ITPRID1: variants seen among roughly 807,000 people sequenced by gnomAD.
ITPRID1 encodes protein ITPRID1.
In ITPRID1, 96 loss-of-function variants were observed where a neutral mutation model predicts 95.4. The observed-to-expected ratio is 1.01, with a 90% CI of 0.85 to 1.19. The LOEUF (loss-of-function observed/expected upper bound fraction) is 1.19, where lower values mean the gene tolerates loss of function less well. ITPRID1 is among the 50% of genes most tolerant of loss of function. The pLI, the probability that ITPRID1 is intolerant of heterozygous loss-of-function variation, is 0.00. For synonymous variants in ITPRID1, 510 were observed against 453.6 expected (o/e 1.12, Z -1.58); for missense variants, 1,339 against 1,252.9 (o/e 1.07, Z -1.04).
intron 5 of ITPRID1, among the ~76,000 whole-genome samples, chr7:31,566,127 G>T (rs1172942354): frequency 1.3e-5 from 2 of 152,198 alleles, no homozygotes; most frequent in African/African-American, 2.4e-5. Context: ...GTGGGCACTA[G>T]AATCCCTTCA....
intron 10 of ITPRID1, among the ~76,000 whole-genome samples, chr7:31,599,641 CTTTCTTT>C (rs1311762969): frequency 1.8e-5 from 1 of 54,696 alleles, no homozygotes; most frequent in Admixed American, 1.8e-4. Context: ...TTCTTTCTTT[CTTTCTTT>C]TTCTTTCTTT....
At chr7:31,584,987 C>T (rs973429086) in intron 10 of ITPRID1, among the ~76,000 whole-genome samples, 2 of 152,234 alleles carry the variant, frequency 1.3e-5, no homozygotes, top group Non-Finnish European at 2.9e-5. Flanking sequence ...GGGAACCCAG[C>T]CCCTATGTTG....
Position 31,612,238 on chromosome 7 carries a change from A to G in ITPRID1, c.1228+29047A>G, listed in dbSNP as rs767850248. On this transcript the variant is annotated intron_variant, in intron 10 of 14. Coordinates refer to ENST00000615280, the MANE Select transcript of ITPRID1 (RefSeq NM_001257967.3). Reference sequence around the variant, plus strand: ...TCTTTATGATACTCTGTATTTGATGAGACATTCTTTCTCATACACTCCTTC... The same window carrying G: ...TCTTTATGATACTCTGTATTTGATGGGACATTCTTTCTCATACACTCCTTC... Among the ~76,000 whole-genome samples the G allele has an allele frequency of 2.8e-4, 42 of 152,200 alleles. 1 individual carries two copies. The highest frequency in any genetic ancestry group is 3.4e-3 in the Middle Eastern group (1 of 294).
At chr7:31,628,104 AAG>A (rs1473329451) in intron 10 of ITPRID1, among the ~76,000 whole-genome samples, 1 of 152,214 alleles carries the variant, frequency 6.6e-6, no homozygotes, top group Non-Finnish European at 1.5e-5. Context: ...GGAGCCTGAG[AAG>A]AGAGACCTCT....
intron 10 of ITPRID1, among the ~76,000 whole-genome samples, chr7:31,623,076 G>C (rs1375265448): frequency 1.3e-5 from 2 of 152,274 alleles, no homozygotes; most frequent in Admixed American, 6.5e-5. Context: ...TCTCTGAATA[G>C]GCCAATAACA....
rs1277519456 is a variant in ITPRID1 at position 31,574,583 on chromosome 7, A to T, written c.439A>T (p.Ile147Phe). ...ATTTTGGGAGATAGATCCAGTGGAG[A>T]TTCTCTTGGATCTGGGGTTTGGTGC... ...LEFWEIDPVE[I>F]LLDLGFGADE... Residue 147 changes from isoleucine (I) to phenylalanine (F), a missense_variant, in exon 8 of 15, where the codon ATT (isoleucine) becomes TTT (phenylalanine). Physicochemically the swap from Ile to Phe is conservative, Grantham distance 21 (BLOSUM62 0). Coordinates refer to ENST00000615280, the MANE Select transcript of ITPRID1 (RefSeq NM_001257967.3). 1.9e-6 allele frequency: 3 copies of T among 1,613,870 alleles called. No individual in the cohort carries two copies. In the African/African-American group the frequency reaches 4.0e-5, roughly 22 times the overall value.
intron 10 of ITPRID1, among the ~76,000 whole-genome samples, chr7:31,627,625 A>C (rs1788585103): frequency 7.0e-6 from 1 of 142,420 alleles, no homozygotes; most frequent in Non-Finnish European, 1.5e-5. Context: ...ATGCCACTGC[A>C]ATCCAGCCTG....
chr7:31,631,798 C>T (rs370904249), intron 10 of ITPRID1, among the ~76,000 whole-genome samples: 2 of 152,208 alleles, frequency 1.3e-5, no homozygotes, highest in East Asian at 1.9e-4. Flanking sequence ...AGGATAGAGA[C>T]TCTTCTGCCT....
rs1003461115 is a variant in ITPRID1, at chr7:31,627,727, A to C, written c.1229-14449A>C. On this transcript the variant is annotated intron_variant, in intron 10 of 14. Coordinates refer to ENST00000615280, the MANE Select transcript of ITPRID1 (RefSeq NM_001257967.3). ...AATGAAAGTGACTAAACTTGACAGAATGGAAAGCAGTGTCTCAGTCCTCTG... is the reference window on the plus strand; with the variant it reads ...AATGAAAGTGACTAAACTTGACAGACTGGAAAGCAGTGTCTCAGTCCTCTG... Among the ~76,000 whole-genome samples, 4 of 151,728 alleles carry C rather than the reference A, an allele frequency of 2.6e-5. No individual in the cohort carries two copies. The South Asian group carries it at 6.2e-4, about 24-fold the overall frequency.
chr7:31,573,780 CAATT>C (rs1027644685), intron 7 of ITPRID1, among the ~76,000 whole-genome samples: 71 of 149,768 alleles, frequency 4.7e-4, no homozygotes, highest in Admixed American at 2.8e-3. Flanking sequence ...ATAAATATAA[CAATT>C]AAATATAGAA....
intron 1 of ITPRID1, among the ~76,000 whole-genome samples, chr7:31,528,446 T>C (rs567342949): frequency 2.0e-5 from 3 of 152,316 alleles, no homozygotes; most frequent in African/African-American, 7.2e-5. Context: ...TGGTGGATGC[T>C]GAGACAAAGT....
At position 31,656,394 on chromosome 7, in the gene ITPRID1, A is replaced by T. The variant is rs767861574; in HGVS notation, c.*3565A>T. ...AGAGTTGTTGGACAGAATAAATACCATGAATCCTGTGCAGTGTTTAATCCA... is the reference window on the plus strand; with the variant it reads ...AGAGTTGTTGGACAGAATAAATACCTTGAATCCTGTGCAGTGTTTAATCCA... On this transcript the variant is annotated 3_prime_UTR_variant, in exon 15 of 15. Transcript: ENST00000615280. 1.3e-5 allele frequency: 6 copies of T among 460,482 alleles called. No individual in the cohort carries two copies. Among genetic ancestry groups the T allele is most frequent in the Admixed American group, 6.4e-5 (1 of 15,654 alleles). 28.5% of individuals were successfully genotyped at this position (460,482 alleles called of 1,614,324 possible).
chr7:31,604,249 G>C (rs1786520031), intron 10 of ITPRID1, among the ~76,000 whole-genome samples: 1 of 152,108 alleles, frequency 6.6e-6, no homozygotes, highest in Non-Finnish European at 1.5e-5. Context: ...ACCACCATGG[G>C]AGCAAGTGGA....
chr7:31,598,407 T>C lies in ITPRID1; in HGVS notation c.1228+15216T>C, dbSNP rs1357968808. 5.0e-5 allele frequency among the ~76,000 whole-genome samples: 7 copies of C among 141,146 alleles called. 1 individual carries two copies. Among genetic ancestry groups the C allele is most frequent in the African/African-American group, 8.0e-5 (3 of 37,536 alleles). 92.6% of individuals were successfully genotyped at this position (141,146 alleles called of 152,430 possible). On this transcript the variant is annotated intron_variant, in intron 10 of 14. Transcript: ENST00000615280. ...ATTTCTTTTTTTTTTTCTTTTTTTT[T>C]TTTTTTTTTTTTTTGAGACGGAGTC...
chr7:31,585,930 C>T (rs1488808737), intron 10 of ITPRID1, among the ~76,000 whole-genome samples: 5 of 149,688 alleles, frequency 3.3e-5, no homozygotes, highest in Non-Finnish European at 5.9e-5. Context: ...TGCTGGTGCG[C>T]TGCACCCACT....
chr7:31,601,268 T>TA (rs564803812), intron 10 of ITPRID1, among the ~76,000 whole-genome samples: 18 of 152,336 alleles, frequency 1.2e-4, no homozygotes, highest in African/African-American at 3.8e-4. Flanking sequence ...TTCTTGGCAA[T>TA]GTTTATTGAA....
rs528689549 is a variant in ITPRID1 at position 31,621,571 on chromosome 7, C to A, written c.1229-20605C>A. 2.0e-3 allele frequency among the ~76,000 whole-genome samples: 288 copies of A among 147,648 alleles called. 1 individual carries two copies. The highest frequency in any genetic ancestry group is 6.9e-3 in the African/African-American group (274 of 39,574). ...AAGCAAATGCTGAGAGATTTTGTCA[C>A]CACCAGGCCTGCCCTAAAAGAGCTC... On this transcript the variant is annotated intron_variant, in intron 10 of 14. Coordinates refer to ENST00000615280, the MANE Select transcript of ITPRID1 (RefSeq NM_001257967.3).
intron 8 of ITPRID1, among the ~76,000 whole-genome samples, chr7:31,576,520 A>T (rs1006617016): frequency 6.6e-5 from 10 of 152,210 alleles, no homozygotes; most frequent in Non-Finnish European, 4.4e-5. Context: ...CGCAAAAGAG[A>T]TTCAGTTTCA....
intron 1 of ITPRID1, among the ~76,000 whole-genome samples, chr7:31,545,759 A>G (rs532625849): frequency 1.3e-5 from 2 of 152,224 alleles, no homozygotes; most frequent in South Asian, 4.1e-4. Context: ...GGAACAAGTC[A>G]TCACAGACTG....
Sources: allele counts gnomAD v4.1 joint callset (sites outside exome capture counted in the v4.1 genomes callset), GRCh38; gene constraint gnomAD v4.1.1; transcripts MANE v1.5; gene names NCBI Gene and HGNC (gene_info 2026-07-23, HGNC 2026-07-21).